Variants in ADD1 observed in about 807,000 individuals in gnomAD.
The protein encoded by ADD1 is alpha-adducin.
A neutral mutation model predicts 80.5 loss-of-function variants in ADD1; 24 were observed. The observed-to-expected ratio is 0.30, with a 90% CI of 0.22 to 0.42. The LOEUF is 0.42. Ranked by LOEUF, ADD1 falls within the 10% of genes least tolerant of loss-of-function variation. ADD1 has a pLI of 1.00. For missense variants in ADD1, 948 were observed against 1,019.0 expected, an observed-to-expected ratio of 0.93 and a Z score of 0.95; for synonymous variants, 373 against 393.8, an observed-to-expected ratio of 0.95 and a Z score of 0.63.
intron 5 of ADD1, 42 bp downstream of exon 5, chr4:2,894,135 A>G: frequency 6.7e-7 from 1 of 1,482,374 alleles, no homozygotes; most frequent in Non-Finnish European, 9.4e-7. Context: ...TGTGCAGGTC[A>G]TGTTAGGTCA....
intron 1 of ADD1, chr4:2,853,193 C>CT (rs1727577892): frequency 6.6e-6 from 1 of 150,814 alleles, no homozygotes; most frequent in Non-Finnish European, 1.5e-5. Context: ...CCTGCAACCT[C>CT]TGTCTCCCAG....
At position 2,876,047 on chromosome 4, in the gene ADD1, C is replaced by A; in HGVS notation, c.132C>A (p.Asp44Glu). The A allele has an allele frequency of 6.2e-7, 1 of 1,614,076 alleles. No homozygotes were observed. The highest frequency in any genetic ancestry group is 1.1e-5 in the South Asian group (1 of 91,064). ...TGAGGGAGAGGAACATGGCACCAGACCTTCGCCAGGACTTCAACATGATGG... is the reference window on the plus strand; with the variant it reads ...TGAGGGAGAGGAACATGGCACCAGAACTTCGCCAGGACTTCAACATGATGG... ...EYLRERNMAP[D>E]LRQDFNMMEQ... The change falls in exon 2 of 16, where the codon GAC becomes GAA. Residue 44 changes from aspartate to glutamate, a missense_variant. Transcript: ENST00000683351.
intron 9 of ADD1, chr4:2,900,447 A>C (rs895871071): frequency 6.6e-6 from 1 of 151,270 alleles, no homozygotes; most frequent in African/African-American, 2.4e-5. Context: ...AGGACATGTC[A>C]GTGTGGGGAA....
intron 10 of ADD1, chr4:2,905,523 T>G (rs1166320659): frequency 5.3e-6 from 1 of 187,520 alleles, no homozygotes; most frequent in African/African-American, 2.4e-5. Flanking sequence ...TAAAGTTTCT[T>G]AAGTCTTCAG....
chr4:2,850,364 T>C (rs1726885201), intron 1 of ADD1, among the ~76,000 whole-genome samples: 1 of 152,156 alleles, frequency 6.6e-6, no homozygotes, highest in Non-Finnish European at 1.5e-5. Context: ...ACCTCCCAAG[T>C]TCAAGCGATT....
rs529434774 is a variant in ADD1 at position 2,928,580 on chromosome 4, G to C, written c.*57G>C. On this transcript the variant is annotated 3_prime_UTR_variant, in exon 16 of 16. Coordinates refer to ENST00000683351, the MANE Select transcript of ADD1 (RefSeq NM_001354761.2). ...CGACCCTGGCTCTGCCAGCGTCCCC[G>C]GCCACGTCTGTGCTCTGTCCTTGTG... 2 of 1,548,248 alleles carry C rather than the reference G, an allele frequency of 1.3e-6. No homozygotes were observed. Among genetic ancestry groups the C allele is most frequent in the African/African-American group, 2.8e-5 (2 of 72,022 alleles).
chr4:2,852,696 CTTTTTTTT>C (rs1312991635), intron 1 of ADD1, among the ~76,000 whole-genome samples: 1 of 118,716 alleles, frequency 8.4e-6, no homozygotes, highest in African/African-American at 3.0e-5. Context: ...CAGGAAATAT[CTTTTTTTT>C]TTTTTTTTTT....
At chr4:2,921,210 C>G (rs1262987040) in intron 14 of ADD1, among the ~76,000 whole-genome samples, 3 of 152,138 alleles carry the variant, frequency 2.0e-5, no homozygotes, top group African/African-American at 7.2e-5. Flanking sequence ...TCACTGCAAG[C>G]TCCGCCTCCA....
At chr4:2,852,696 C>CTT (rs1312991635) in intron 1 of ADD1, among the ~76,000 whole-genome samples, 187 of 118,708 alleles carry the variant, frequency 1.6e-3, no homozygotes, top group Non-Finnish European at 2.4e-3. Context: ...CAGGAAATAT[C>CTT]TTTTTTTTTT....
chr4:2,898,807 A>C, intron 8 of ADD1: 2 of 456,736 alleles, frequency 4.4e-6, no homozygotes, highest in Middle Eastern at 6.3e-4. Context: ...GCCTGGCATC[A>C]GGTGCTTAGT....
chr4:2,880,941 G>T (rs1157636692), intron 2 of ADD1, among the ~76,000 whole-genome samples: 2 of 151,868 alleles, frequency 1.3e-5, no homozygotes, highest in African/African-American at 4.8e-5. Flanking sequence ...GGATGGTTAG[G>T]GTTTTTTCCA....
intron 1 of ADD1, among the ~76,000 whole-genome samples, chr4:2,866,852 C>G (rs1729629681): frequency 6.6e-6 from 1 of 152,134 alleles, no homozygotes; most frequent in Admixed American, 6.5e-5. Context: ...GGGTGGATTG[C>G]TTGAGCCCAG....
chr4:2,902,260 A>G (rs1037061177), intron 9 of ADD1: 1 of 152,168 alleles, frequency 6.6e-6, no homozygotes, highest in Non-Finnish European at 1.5e-5. Flanking sequence ...AGGAAACTTG[A>G]ATTAATAAGA....
Position 2,926,285 on chromosome 4 carries a change from G to A in ADD1, c.2047+173G>A. On this transcript the variant is annotated intron_variant, in intron 15 of 15. Transcript: ENST00000683351. This position sits in a 1 kb window ranked among gnomAD's most constrained non-coding sequence, Gnocchi z 5.0. ...TTGCTTCTGTCCTGGGTAACTCCAG[G>A]CAAAACAGATTTGTATGTGAGCTGT... The A allele has an allele frequency of 1.4e-6, 1 of 739,754 alleles. No individual in the cohort carries two copies. Among genetic ancestry groups the A allele is most frequent in the Non-Finnish European group, 2.4e-6 (1 of 413,546 alleles). The allele number at this position is 739,754 out of a possible 1,614,324, so 45.8% of individuals were successfully genotyped here. A position where few individuals can be genotyped will look rare whatever the true frequency, so the allele number is the denominator to read the frequency against.
chr4:2,876,619 G>A (rs1352251355), intron 2 of ADD1, among the ~76,000 whole-genome samples: 2 of 151,996 alleles, frequency 1.3e-5, no homozygotes, highest in Non-Finnish European at 2.9e-5. Flanking sequence ...GGTGGATCAC[G>A]AGGTCAGGAG....
intron 6 of ADD1, among the ~76,000 whole-genome samples, chr4:2,896,534 G>C (rs906284756): frequency 6.6e-6 from 1 of 152,108 alleles, no homozygotes; most frequent in African/African-American, 2.4e-5. Context: ...AATGTCATGT[G>C]TGTTGGATTA....
Position 2,914,983 on chromosome 4 carries a change from G to T in ADD1, c.1891G>T (p.Asp631Tyr). Reference sequence around the variant, plus strand: ...CCCCAACCCCTTCACCACACTCACAGACCGTGAGCTGGAGGAGTACCGCAG... The same window carrying T: ...CCCCAACCCCTTCACCACACTCACATACCGTGAGCTGGAGGAGTACCGCAG... ...TGPNPFTTLT[D>Y]RELEEYRREV... The change falls in exon 14 of 16, where the codon GAC becomes TAC. Residue 631 changes from aspartate to tyrosine, a missense_variant. Transcript: ENST00000683351. The T allele has an allele frequency of 6.2e-7, 1 of 1,614,138 alleles. No homozygotes were observed. The highest frequency in any genetic ancestry group is 8.5e-7 in the Non-Finnish European group (1 of 1,179,984).
rs1304220310 is a variant in ADD1, at chr4:2,921,534, G to A, written c.1949-4480G>A. ...TTAGTCTGATGGGCTTCCCTTTGTG[G>A]GTAACCCAACCTTTCTCTCTGGCTG... On this transcript the variant is annotated intron_variant, in intron 14 of 15. Transcript: ENST00000683351. 2.6e-5 allele frequency among the ~76,000 whole-genome samples: 4 copies of A among 152,264 alleles called. No homozygotes were observed. In the East Asian group the frequency reaches 7.7e-4, roughly 29 times the overall value.
At position 2,899,402 on chromosome 4, in the gene ADD1, A is replaced by G; in HGVS notation, c.1128A>G (p.Glu376=). The G allele has an allele frequency of 1.2e-6, 2 of 1,614,226 alleles. No individual in the cohort carries two copies. The highest frequency in any genetic ancestry group is 1.7e-6 in the Non-Finnish European group (2 of 1,180,036). Residue 376 remains glutamate, a synonymous_variant, in exon 9 of 16, where the codon GAA becomes GAG. Transcript: ENST00000683351. ...SPPKWQIGEQ[E]FEALMRMLDN... ...CCAAGTGGCAGATTGGTGAGCAGGA[A>G]TTTGAAGCCCTCATGCGGATGCTCG...
Sources: allele counts gnomAD v4.1 joint callset (sites outside exome capture counted in the v4.1 genomes callset), GRCh38; gene constraint gnomAD v4.1.1; non-coding constraint Gnocchi (gnomAD v3.1); transcripts MANE v1.5; gene names NCBI Gene and HGNC (gene_info 2026-07-23, HGNC 2026-07-21).